GCN1: variants seen among roughly 807,000 people sequenced by gnomAD.
GCN1 encodes the protein GCN1 activator of EIF2AK4.
Under a neutral mutation model 288.4 loss-of-function variants are expected in GCN1, and 90 were observed. The observed-to-expected ratio is 0.31, with a 90% CI of 0.26 to 0.37. GCN1 has a LOEUF of 0.37. Among genes scored for constraint, GCN1 ranks in the 10% least tolerant of loss-of-function variants. The pLI is 1.00. For synonymous variants in GCN1, 1,386 were observed against 1,420.2 expected (o/e 0.98, Z 0.54); for missense variants, 2,586 against 3,419.9 (o/e 0.76, Z 6.08).
In GCN1 at chr12:120,138,025, T is replaced by C. The variant is rs535888421; in HGVS notation, c.6269A>G (p.Asn2090Ser). Residue 2090 changes from asparagine (N) to serine (S), a missense_variant, in exon 48 of 58, where the codon AAC becomes AGC. Physicochemically the swap from Asn to Ser is conservative, Grantham distance 46. Around this residue, in one of 8 missense-constraint regions of GCN1, gnomAD observed 437 missense variants for 570.5 expected, o/e 0.77. Coordinates refer to ENST00000300648, the MANE Select transcript of GCN1 (RefSeq NM_006836.2). Reference protein sequence around the residue: ...LVPKLTTPPVNTRVLAFLSSV... With the variant: ...LVPKLTTPPVSTRVLAFLSSV... ...CGAAAGGAAAGCCAGCACCCGGGTG[T>C]TGACAGGTGGCGTTGTCAGCTGGTG... is the stretch of plus-strand genomic sequence containing the variant. 6 of 1,613,544 alleles carry C rather than the reference T, an allele frequency of 3.7e-6. No homozygotes were observed. In the East Asian group the frequency reaches 1.1e-4, roughly 30 times the overall value.
intron 15 of GCN1, among the ~76,000 whole-genome samples, chr12:120,168,727 C>A (rs771475011): frequency 2.0e-5 from 3 of 152,128 alleles, no homozygotes; most frequent in Non-Finnish European, 4.4e-5. Flanking sequence ...ATACCCACCC[C>A]CCCAACTAAA....
In GCN1 at chr12:120,185,482, G is replaced by C. The variant is rs190449449; in HGVS notation, c.122-595C>G. On this transcript the variant is annotated intron_variant, in intron 2 of 57. Transcript: ENST00000300648. Reference sequence around the variant, plus strand: ...ATACCTATTCAGAACACATGAAGAAGAAGAGAGGACTAATAACACCCTAGC... The same window carrying C: ...ATACCTATTCAGAACACATGAAGAACAAGAGAGGACTAATAACACCCTAGC... Among the ~76,000 whole-genome samples, 3 of 152,314 alleles carry C rather than the reference G, an allele frequency of 2.0e-5. No homozygotes were observed. In the East Asian group the frequency reaches 5.8e-4, roughly 29 times the overall value.
In GCN1 at chr12:120,155,662, G is replaced by A. The variant is rs1877723058; in HGVS notation, c.3370C>T (p.Leu1124=). 3 of 1,613,852 alleles carry A rather than the reference G, an allele frequency of 1.9e-6. No homozygotes were observed. The highest frequency in any genetic ancestry group is 2.2e-5 in the East Asian group (1 of 44,892). ...ACCCAGAGTCTCCGCAGAAGGTTCA[G>A]GCCATTCTTCTCATCAGTATCAGGT... The part of the protein sequence containing the change: ...PAPDTDEKNG[L]NLLRRLWVVK... The change falls in exon 29 of 58, where the codon CTG becomes TTG. Residue 1124 remains leucine (L), a synonymous_variant. Coordinates refer to ENST00000300648, the MANE Select transcript of GCN1 (RefSeq NM_006836.2). The surrounding 1 kb of genome is among the most constrained non-coding windows in gnomAD (Gnocchi z 4.9).
In GCN1 at chr12:120,144,499, G is replaced by T; in HGVS notation, c.5353-51C>A. On this transcript the variant is annotated intron_variant, in intron 41 of 57. Transcript: ENST00000300648. The surrounding 1 kb of genome is among the most constrained non-coding windows in gnomAD (Gnocchi z 4.7). ...CAGAGCTGCCACCCCCAGGCCCCCA[G>T]CCCAAAAAACATGGGGCTCACTGAA... 6.3e-7 allele frequency: 1 copy of T among 1,588,134 alleles called. No homozygotes were observed. Among genetic ancestry groups the T allele is most frequent in the South Asian group, 1.1e-5 (1 of 88,264 alleles).
intron 20 of GCN1, 22 bp from the exon 21 acceptor site, chr12:120,162,080 GGTCA>G (rs1566309908): frequency 4.4e-6 from 7 of 1,607,534 alleles, no homozygotes; most frequent in Non-Finnish European, 5.9e-6. Context: ...ACGCAGACAT[GGTCA>G]GTGTGTGCCA....
intron 56 of GCN1, among the ~76,000 whole-genome samples, chr12:120,129,932 T>C (rs563975401): frequency 2.6e-5 from 4 of 152,330 alleles, no homozygotes; most frequent in African/African-American, 9.6e-5. Flanking sequence ...ACCTTCAGGA[T>C]AATGCCAAGT....
At chr12:120,179,735 A>G (rs1878591806) in intron 5 of GCN1, among the ~76,000 whole-genome samples, 1 of 151,292 alleles carries the variant, frequency 6.6e-6, no homozygotes. Context: ...TTCAGAGGAA[A>G]AAAGAGATAT....
intron 20 of GCN1, 25 bp downstream of exon 20, chr12:120,162,822 C>T (rs779282244): frequency 1.9e-6 from 3 of 1,612,228 alleles, no homozygotes; most frequent in Admixed American, 1.7e-5. Flanking sequence ...GGACCTGAGG[C>T]CAGACCAGCT....
At chr12:120,163,591 C>T (rs751015702) in intron 18 of GCN1, among the ~76,000 whole-genome samples, 3 of 152,308 alleles carry the variant, frequency 2.0e-5, no homozygotes, top group South Asian at 4.1e-4. Flanking sequence ...CAGTGGAACA[C>T]GGCACAAAGA....
At chr12:120,185,878 C>T (rs1202157906) in intron 2 of GCN1, among the ~76,000 whole-genome samples, 1 of 152,124 alleles carries the variant, frequency 6.6e-6, no homozygotes, top group Admixed American at 6.5e-5. Flanking sequence ...GGATTACAGG[C>T]GTGAGCCATC....
chr12:120,137,491 T>G lies in GCN1; in HGVS notation c.6663+54A>C. ...ATTCTTATAAGTCTATTCCTGTAAA[T>G]GTCTGGAATTTTCTAAAAGCAAAAG... On this transcript the variant is annotated intron_variant, in intron 49 of 57. Coordinates refer to ENST00000300648, the MANE Select transcript of GCN1 (RefSeq NM_006836.2). The surrounding 1 kb of genome is among the most constrained non-coding windows in gnomAD (Gnocchi z 5.2). 1 of 1,583,566 alleles carries G rather than the reference T, an allele frequency of 6.3e-7. No homozygotes were observed. The highest frequency in any genetic ancestry group is 2.2e-5 in the East Asian group (1 of 44,554).
Position 120,156,699 on chromosome 12 carries a change from C to T in GCN1, c.3169-95G>A. On this transcript the variant is annotated intron_variant, in intron 27 of 57. Coordinates refer to ENST00000300648, the MANE Select transcript of GCN1 (RefSeq NM_006836.2). This position sits in a 1 kb window ranked among gnomAD's most constrained non-coding sequence, Gnocchi z 5.8. Reference sequence around the variant, plus strand: ...GCACTGAGAACACCCACCCCTACAGCACTGCAAGGGCTAAGACCCCAGCTC... The same window carrying T: ...GCACTGAGAACACCCACCCCTACAGTACTGCAAGGGCTAAGACCCCAGCTC... The T allele has an allele frequency of 7.1e-6, 9 of 1,272,902 alleles. No homozygotes were observed. Among genetic ancestry groups the T allele is most frequent in the Non-Finnish European group, 1.0e-5 (9 of 892,040 alleles). 78.9% of individuals were successfully genotyped at this position (1,272,902 alleles called of 1,614,324 possible).
intron 20 of GCN1, 39 bp downstream of exon 20, chr12:120,162,808 T>C (rs772895523): frequency 3.7e-6 from 6 of 1,607,986 alleles, no homozygotes; most frequent in Non-Finnish European, 5.1e-6. Context: ...GAGGGCCCCC[T>C]CCCGGACCTG....
chr12:120,158,373 G>C lies in GCN1; in HGVS notation c.2905+87C>G. On this transcript the variant is annotated intron_variant, in intron 25 of 57. Coordinates refer to ENST00000300648, the MANE Select transcript of GCN1 (RefSeq NM_006836.2). This position sits in a 1 kb window ranked among gnomAD's most constrained non-coding sequence, Gnocchi z 4.3. ...ATATGGTCCAATCCCCCAGGCTCAG[G>C]AGGCCCTGGGTGACGCTGTGCCTTG... 1 of 1,128,556 alleles carries C rather than the reference G, an allele frequency of 8.9e-7. No individual in the cohort carries two copies. The highest frequency in any genetic ancestry group is 2.6e-5 in the East Asian group (1 of 38,740). 69.9% of individuals were successfully genotyped at this position (1,128,556 alleles called of 1,614,324 possible). A position where few individuals can be genotyped will look rare whatever the true frequency, so the allele number is the denominator to read the frequency against.
chr12:120,164,232 T>C, intron 18 of GCN1, 104 bp downstream of exon 18: 1 of 911,084 alleles, frequency 1.1e-6, no homozygotes, highest in East Asian at 2.4e-5. Flanking sequence ...TCACACAGAT[T>C]AAGAAAGAAC....
rs1397002074 is a variant in GCN1 at position 120,158,872 on chromosome 12, C to T, written c.2750-257G>A. 1.3e-5 allele frequency among the ~76,000 whole-genome samples: 2 copies of T among 151,858 alleles called. No homozygotes were observed. The highest frequency in any genetic ancestry group is 1.5e-5 in the Non-Finnish European group (1 of 67,962). Reference sequence around the variant, plus strand: ...CTAAAAATACAAAAAATTAGCTGGGCGTGGTGACGGGCGCCTGTAGTCCCA... The same window carrying T: ...CTAAAAATACAAAAAATTAGCTGGGTGTGGTGACGGGCGCCTGTAGTCCCA... On this transcript the variant is annotated intron_variant, in intron 24 of 57. Transcript: ENST00000300648. The surrounding 1 kb of genome is among the most constrained non-coding windows in gnomAD (Gnocchi z 4.3).
chr12:120,140,779 C>A, intron 45 of GCN1, 80 bp downstream of exon 45: 1 of 1,386,716 alleles, frequency 7.2e-7, no homozygotes, highest in Admixed American at 1.8e-5. Flanking sequence ...AGAGGTGAAC[C>A]TCCTTCAGTA....
chr12:120,158,713 T>C lies in GCN1; in HGVS notation c.2750-98A>G. On this transcript the variant is annotated intron_variant, in intron 24 of 57. Transcript: ENST00000300648. The surrounding 1 kb of genome is among the most constrained non-coding windows in gnomAD (Gnocchi z 4.3). ...GGACCCAGTGCCTCATCCTTCTGACTTAAAAAAATATTTCTGCGGCTGGGC... is the reference window on the plus strand; with the variant it reads ...GGACCCAGTGCCTCATCCTTCTGACCTAAAAAAATATTTCTGCGGCTGGGC... 2 of 1,078,886 alleles carry C rather than the reference T, an allele frequency of 1.9e-6. No individual in the cohort carries two copies. Among genetic ancestry groups the C allele is most frequent in the Non-Finnish European group, 2.6e-6 (2 of 758,940 alleles). The allele number at this position is 1,078,886 out of a possible 1,614,324, so 66.8% of individuals were successfully genotyped here.
chr12:120,147,803 G>A (rs924898689), intron 37 of GCN1, among the ~76,000 whole-genome samples: 1 of 152,144 alleles, frequency 6.6e-6, no homozygotes, highest in African/African-American at 2.4e-5. Flanking sequence ...CCCAGTACTT[G>A]AGAAAGAACC....
Sources: gnomAD v4.1 joint callset for allele counts (sites outside exome capture counted in the v4.1 genomes callset) on GRCh38, gnomAD v4.1.1 for gene constraint, gnomAD v4.1.1 regional missense constraint, Gnocchi (gnomAD v3.1) non-coding constraint, MANE v1.5 for transcripts, NCBI Gene and HGNC (gene_info 2026-07-23, HGNC 2026-07-21) for gene names.